The following SNX25 variants were observed in gnomAD, a reference collection of about 807,000 sequenced individuals.
The protein encoded by SNX25 is sorting nexin 25.
Under a neutral mutation model 113.7 loss-of-function variants are expected in SNX25, and 62 were observed. That is an observed-to-expected ratio of 0.55 (90% CI 0.44 to 0.67). The LOEUF is 0.67. Among genes scored for constraint, SNX25 ranks in the 30% least tolerant of loss-of-function variants. The pLI is 0.00. For missense variants in SNX25, 1,014 were observed against 1,161.0 expected (o/e 0.87, Z 1.84); for synonymous variants, 421 against 436.2 (o/e 0.97, Z 0.43).
At chr4:185,276,785 C>T (rs1367874660) in intron 5 of SNX25, among the ~76,000 whole-genome samples, 1 of 152,202 alleles carries the variant, frequency 6.6e-6, no homozygotes, top group Non-Finnish European at 1.5e-5. Flanking sequence ...CCCTGTCTCC[C>T]TGGCAGGTCC....
chr4:185,248,652 C>CA (rs1467101641), intron 2 of SNX25, among the ~76,000 whole-genome samples: 4 of 151,520 alleles, frequency 2.6e-5, no homozygotes, highest in South Asian at 2.1e-4. Flanking sequence ...GACTCTGTCT[C>CA]AAAAAAAATG....
At chr4:185,376,086 G>A in the SNX25 span, among the ~76,000 whole-genome samples, 3 of 152,076 alleles carry the variant, frequency 2.0e-5, no homozygotes, top group South Asian at 2.1e-4. Context: ...ATGAAAAACC[G>A]AAACTACATT....
downstream of SNX25, chr4:185,365,689 A>AAAT (rs1554015792): frequency 6.8e-6 from 1 of 146,400 alleles, no homozygotes; most frequent in Non-Finnish European, 1.5e-5. Flanking sequence ...CAAAAAAAAA[A>AAAT]AAATAATAAT....
rs113588819 is a variant in SNX25 at position 185,348,080 on chromosome 4, A to G, written c.2301+1430A>G. On this transcript the variant is annotated intron_variant, in intron 13 of 18. Transcript: ENST00000652585. Reference sequence around the variant, plus strand: ...TCCTTTAAACACTTTATTATTTTCTATCAGTCTGTTTTTAAATAATAAGGC... The same window carrying G: ...TCCTTTAAACACTTTATTATTTTCTGTCAGTCTGTTTTTAAATAATAAGGC... Among the ~76,000 whole-genome samples, 129 of 152,242 alleles carry G rather than the reference A, an allele frequency of 8.5e-4. 1 individual carries two copies. Among genetic ancestry groups the G allele is most frequent in the African/African-American group, 3.0e-3 (126 of 41,518 alleles).
rs566875321 is a variant in SNX25, at chr4:185,241,825, G to T, written c.430-5469G>T. On this transcript the variant is annotated intron_variant, in intron 1 of 18. Coordinates refer to ENST00000652585, the MANE Select transcript of SNX25 (RefSeq NM_001378034.2). ...TTTAGGAAGATGATTGTCAGGAAGA[G>T]GTTGTCTTTACCTGAAGCCTATGCT... Among the ~76,000 whole-genome samples the T allele has an allele frequency of 1.4e-3, 219 of 152,238 alleles. 2 individuals carry two copies. Among genetic ancestry groups the T allele is most frequent in the East Asian group, 1.4e-3 (7 of 5,176 alleles).
intron 15 of SNX25, among the ~76,000 whole-genome samples, chr4:185,356,477 C>T (rs2095339765): frequency 6.6e-6 from 1 of 152,164 alleles, no homozygotes; most frequent in Non-Finnish European, 1.5e-5. Context: ...ACATGCTTGG[C>T]AGCATTCCAG....
intron 6 of SNX25, among the ~76,000 whole-genome samples, chr4:185,307,276 T>C (rs1435290493): frequency 6.6e-6 from 1 of 152,222 alleles, no homozygotes; most frequent in East Asian, 1.9e-4. Context: ...TTACTTAGAC[T>C]GCACTCGTGG....
Position 185,334,717 on chromosome 4 carries a change from C to G in SNX25, c.1914+1958C>G, listed in dbSNP as rs570520092. 6.6e-6 allele frequency among the ~76,000 whole-genome samples: 1 copy of G among 152,180 alleles called. No individual in the cohort carries two copies. Among genetic ancestry groups the G allele is most frequent in the Non-Finnish European group, 1.5e-5 (1 of 68,030 alleles). ...GGTTTGTTTGAAAGACATTATTCAGCCTTTCTTAAAATAACTTCTGATAAC... is the reference window on the plus strand; with the variant it reads ...GGTTTGTTTGAAAGACATTATTCAGGCTTTCTTAAAATAACTTCTGATAAC... On this transcript the variant is annotated intron_variant, in intron 10 of 18. Transcript: ENST00000652585. This position sits in a 1 kb window ranked among gnomAD's most constrained non-coding sequence, Gnocchi z 4.2.
intron 16 of SNX25, among the ~76,000 whole-genome samples, chr4:185,360,542 T>A (rs1396864218): frequency 6.6e-6 from 1 of 152,192 alleles, no homozygotes; most frequent in Non-Finnish European, 1.5e-5. Flanking sequence ...ATGATTCTTT[T>A]CCCCTTTTCA....
chr4:185,321,984 G>A (rs955481591), intron 8 of SNX25, among the ~76,000 whole-genome samples: 1 of 152,144 alleles, frequency 6.6e-6, no homozygotes, highest in African/African-American at 2.4e-5. Context: ...GAATGTCCTC[G>A]GATTTTGGTA....
At chr4:185,220,860 TTTTA>T (rs1330563998) in intron 1 of SNX25, among the ~76,000 whole-genome samples, 7 of 152,016 alleles carry the variant, frequency 4.6e-5, no homozygotes, top group Non-Finnish European at 1.0e-4. Flanking sequence ...CTTTTGTTAA[TTTTA>T]TTTATTTATT....
intron 3 of SNX25, among the ~76,000 whole-genome samples, chr4:185,260,494 A>G (rs1747136929): frequency 6.6e-6 from 1 of 152,242 alleles, no homozygotes; most frequent in African/African-American, 2.4e-5. Flanking sequence ...TGGAATGGGC[A>G]AATGATCGAA....
chr4:185,221,326 C>T (rs1316713101), intron 1 of SNX25, among the ~76,000 whole-genome samples: 1 of 152,122 alleles, frequency 6.6e-6, no homozygotes, highest in Non-Finnish European at 1.5e-5. Context: ...AGCCACTGTG[C>T]CTGACCCGGG....
At chr4:185,220,507 G>T (rs1465258520) in intron 1 of SNX25, among the ~76,000 whole-genome samples, 1 of 128,808 alleles carries the variant, frequency 7.8e-6, no homozygotes, top group African/African-American at 2.8e-5. Context: ...TTTTGAGATG[G>T]AGTCTCGCTC....
intron 5 of SNX25, among the ~76,000 whole-genome samples, chr4:185,274,975 T>C (rs1352485672): frequency 6.6e-6 from 1 of 152,148 alleles, no homozygotes; most frequent in Non-Finnish European, 1.5e-5. Flanking sequence ...GACACAGGGC[T>C]CTAACTTTTG....
chr4:185,272,478 GC>G lies in SNX25; in HGVS notation c.1091+5324del, dbSNP rs142124653. Among the ~76,000 whole-genome samples the G allele has an allele frequency of 3.9e-4, 59 of 152,276 alleles. 1 individual carries two copies. The East Asian group carries it at 0.011, about 27-fold the overall frequency. On this transcript the variant is annotated intron_variant, in intron 5 of 18. Transcript: ENST00000652585. ...ATTGCTGCCTGCATTGTGTAATCCT[GC>G]AGTGCATTTGTAAACTGTGTGCTAA...
intron 1 of SNX25, among the ~76,000 whole-genome samples, chr4:185,227,335 G>A (rs1741170206): frequency 6.6e-6 from 1 of 152,306 alleles, no homozygotes; most frequent in South Asian, 2.1e-4. Context: ...GAGGAGGGAG[G>A]TTGTGGGTTC....
At chr4:185,253,364 A>G (rs1745938833) in intron 2 of SNX25, among the ~76,000 whole-genome samples, 1 of 152,206 alleles carries the variant, frequency 6.6e-6, no homozygotes, top group Non-Finnish European at 1.5e-5. Context: ...CAGACGTTGC[A>G]CACAAAAAAA....
Position 185,346,524 on chromosome 4 carries a change from T to C in SNX25, c.2188-13T>C, listed in dbSNP as rs769508705. On this transcript the variant is annotated splice_polypyrimidine_tract_variant and intron_variant, in intron 12 of 18. Transcript: ENST00000652585. ...ATTTCAAAATACTAACATTTCATTT[T>C]TTCCCCCCACAGTGCGTCCCTTCTT... The C allele has an allele frequency of 2.6e-6, 4 of 1,511,692 alleles. No individual in the cohort carries two copies. The highest frequency in any genetic ancestry group is 2.3e-5 in the East Asian group (1 of 43,746). 93.6% of individuals were successfully genotyped at this position (1,511,692 alleles called of 1,614,324 possible). A position where few individuals can be genotyped will look rare whatever the true frequency, so the allele number is the denominator to read the frequency against.
Sources: allele counts gnomAD v4.1 joint callset (sites outside exome capture counted in the v4.1 genomes callset), GRCh38; gene constraint gnomAD v4.1.1; non-coding constraint Gnocchi (gnomAD v3.1); transcripts MANE v1.5; gene names NCBI Gene and HGNC (gene_info 2026-07-23, HGNC 2026-07-21).